Variants in MEI1 observed in about 807,000 individuals in gnomAD.
The protein encoded by MEI1 is meiotic double-stranded break formation protein 1, also known as meiosis inhibitor protein 1.
Under a neutral mutation model 146.2 loss-of-function variants are expected in MEI1, and 103 were observed. The observed-to-expected ratio is 0.70, with a 90% CI of 0.60 to 0.83. MEI1 has a LOEUF of 0.83. Among genes scored for constraint, MEI1 ranks in the 40% least tolerant of loss-of-function variants. The pLI is 0.00. For synonymous variants in MEI1, 652 were observed against 628.2 expected (o/e 1.04, Z -0.57); for missense variants, 1,529 against 1,533.0 (o/e 1.00, Z 0.04).
At chr22:41,744,871 C>A in intron 12 of MEI1, 102 bp from the exon 13 acceptor site, 1 of 535,482 alleles carries the variant, frequency 1.9e-6, no homozygotes, top group Non-Finnish European at 3.1e-6. Flanking sequence ...ATGGGAATGT[C>A]AGACTGCAGT....
intron 19 of MEI1, chr22:41,767,592 T>G: frequency 2.2e-6 from 1 of 456,020 alleles, no homozygotes; most frequent in Non-Finnish European, 4.4e-6. Flanking sequence ...CATTGCAGTT[T>G]GATCAGCATT....
intron 21 of MEI1, 43 bp from the exon 22 acceptor site, chr22:41,778,665 C>T: frequency 6.7e-7 from 1 of 1,481,898 alleles, no homozygotes; most frequent in Non-Finnish European, 9.3e-7. Context: ...TTCAGGTGAT[C>T]TGAGCATCAG....
intron 19 of MEI1, among the ~76,000 whole-genome samples, chr22:41,768,546 A>G (rs892639450): frequency 1.3e-5 from 2 of 152,252 alleles, no homozygotes; most frequent in African/African-American, 2.4e-5. Flanking sequence ...AGTAATTTAT[A>G]AAGACAAGAG....
chr22:41,767,270 C>G (rs2074918005), intron 19 of MEI1, among the ~76,000 whole-genome samples: 1 of 152,168 alleles, frequency 6.6e-6, no homozygotes, highest in Non-Finnish European at 1.5e-5. Context: ...GCAGGGTAAC[C>G]TTGTATACAT....
rs1569277472 is a variant in MEI1, at chr22:41,763,269, C to A, written c.2216C>A (p.Ala739Asp). 1 of 1,613,974 alleles carries A rather than the reference C, an allele frequency of 6.2e-7. No individual in the cohort carries two copies. Among genetic ancestry groups the A allele is most frequent in the Non-Finnish European group, 8.5e-7 (1 of 1,179,890 alleles). ...CGCCCCCCACTGGTGGTCTTCAAAG[C>A]CTCCATCTATCTGCTTGCAATCTGC... ...GERPPLVVFK[A>D]SIYLLAICQD... Residue 739 changes from alanine (A) to aspartate (D), a missense_variant, in exon 19 of 31, where the codon GCC becomes GAC. By Grantham distance (126) the Ala-to-Asp change is moderately radical. Transcript: ENST00000401548.
intron 9 of MEI1, among the ~76,000 whole-genome samples, chr22:41,730,934 C>G (rs2071803386): frequency 1.3e-5 from 2 of 152,152 alleles, no homozygotes; most frequent in African/African-American, 4.8e-5. Context: ...AACAGTGTTA[C>G]TCAACCTTAG....
chr22:41,715,941 C>A, intron 4 of MEI1, 100 bp from the exon 5 acceptor site: 1 of 804,148 alleles, frequency 1.2e-6, no homozygotes, highest in Non-Finnish European at 2.0e-6. Context: ...GTGAGAGACA[C>A]ATGCAATACA....
chr22:41,758,254 AT>A, intron 17 of MEI1, 110 bp from the exon 18 acceptor site: 2 of 1,038,964 alleles, frequency 1.9e-6, no homozygotes, highest in South Asian at 3.5e-5. Flanking sequence ...ACTATACTGC[AT>A]TTACCCTTGC....
chr22:41,736,892 C>T (rs1376740349), intron 11 of MEI1, among the ~76,000 whole-genome samples: 1 of 152,152 alleles, frequency 6.6e-6, no homozygotes, highest in African/African-American at 2.4e-5. Context: ...ACCACATTTC[C>T]AACTGCCTGG....
intron 6 of MEI1, among the ~76,000 whole-genome samples, chr22:41,719,249 G>A (rs1483795217): frequency 6.6e-6 from 1 of 152,074 alleles, no homozygotes; most frequent in South Asian, 2.1e-4. Context: ...CCAAAGTGCT[G>A]GGATTACAGG....
At chr22:41,746,141 C>T in intron 14 of MEI1, 115 bp downstream of exon 14, 1 of 941,044 alleles carries the variant, frequency 1.1e-6, no homozygotes, top group Non-Finnish European at 1.5e-6. Context: ...CTGGGGGCCT[C>T]AGCAGTGCAA....
rs567098265 is a variant in MEI1 at position 41,790,045 on chromosome 22, C to A, written c.3346-3784C>A. On this transcript the variant is annotated intron_variant, in intron 26 of 30. Transcript: ENST00000401548. ...GGCTATAGCTAAGCCTCCTTCATTC[C>A]CTTCAACCAGTTTGTTGTTTAAAAC... Among the ~76,000 whole-genome samples the A allele has an allele frequency of 2.0e-5, 3 of 152,286 alleles. No individual in the cohort carries two copies. In the East Asian group the frequency reaches 5.8e-4, roughly 29 times the overall value.
intron 30 of MEI1, among the ~76,000 whole-genome samples, chr22:41,796,951 AAAAC>A (rs1569343538): frequency 2.0e-5 from 3 of 152,158 alleles, no homozygotes; most frequent in Non-Finnish European, 1.5e-5. Flanking sequence ...TCCCAGAAAA[AAAAC>A]AAAAAATTTT....
chr22:41,707,074 G>A (rs1056724876), intron 3 of MEI1, among the ~76,000 whole-genome samples: 22 of 151,148 alleles, frequency 1.5e-4, no homozygotes, highest in African/African-American at 4.9e-4. Context: ...GCGGTGGCGG[G>A]CACCTGTAAT....
At chr22:41,766,545 C>T (rs867131021) in intron 19 of MEI1, among the ~76,000 whole-genome samples, 74 of 151,620 alleles carry the variant, frequency 4.9e-4, no homozygotes, top group African/African-American at 1.7e-3. Context: ...TCATTTTACT[C>T]AATATTATTA....
At chr22:41,730,692 T>G (rs926823848) in intron 9 of MEI1, 55 bp downstream of exon 9, 4 of 1,186,834 alleles carry the variant, frequency 3.4e-6, no homozygotes, top group South Asian at 1.2e-5. Flanking sequence ...CAGTTTGCAC[T>G]TGGGTAGCAG....
chr22:41,714,470 A>G (rs2069905233), intron 4 of MEI1, among the ~76,000 whole-genome samples: 2 of 152,074 alleles, frequency 1.3e-5, no homozygotes, highest in Admixed American at 1.3e-4. Flanking sequence ...TTAGTACTGA[A>G]GGTGTTTGGT....
chr22:41,746,092 G>C (rs1328616260), intron 14 of MEI1, 66 bp downstream of exon 14: 2 of 1,469,106 alleles, frequency 1.4e-6, no homozygotes, highest in East Asian at 2.5e-5. Context: ...GGCGAGCCAG[G>C]CTCAGAGGCA....
chr22:41,715,482 G>T (rs531387976), intron 4 of MEI1, among the ~76,000 whole-genome samples: 1 of 150,224 alleles, frequency 6.7e-6, no homozygotes, highest in Non-Finnish European at 1.5e-5. Context: ...TGCAAGCTCC[G>T]CCTCCCGGGT....
Sources: gnomAD v4.1 joint callset for allele counts (sites outside exome capture counted in the v4.1 genomes callset) on GRCh38, gnomAD v4.1.1 for gene constraint, MANE v1.5 for transcripts, NCBI Gene and HGNC (gene_info 2026-07-23, HGNC 2026-07-21) for gene names.